Variants in CDK13 observed in about 807,000 individuals in gnomAD.
CDK13 encodes cyclin-dependent kinase 13.
CDK13 carries 40 observed loss-of-function variants against 137.6 expected under a neutral mutation model. That is an observed-to-expected ratio of 0.29 (90% CI 0.23 to 0.38). The LOEUF is 0.38. CDK13 is among the 10% of genes least tolerant of loss of function. CDK13 has a pLI of 1.00. For missense variants in CDK13, 1,704 were observed against 1,951.8 expected, an observed-to-expected ratio of 0.87 and a Z score of 2.39; for synonymous variants, 869 against 760.1, an observed-to-expected ratio of 1.14 and a Z score of -2.36.
intron 1 of CDK13, among the ~76,000 whole-genome samples, chr7:39,972,340 A>G (rs1279763355): frequency 1.3e-5 from 2 of 152,224 alleles, no homozygotes; most frequent in African/African-American, 4.8e-5. Context: ...TGTATTTCAC[A>G]TACTGTACAG....
intron 10 of CDK13, 180 bp from the exon 11 acceptor site, chr7:40,078,540 A>C: frequency 3.3e-6 from 1 of 306,820 alleles, no homozygotes; most frequent in Non-Finnish European, 5.8e-6. Flanking sequence ...TATTTATTCA[A>C]AGGAAAATTC....
rs1351616152 is a variant in CDK13, at chr7:39,997,545, A to T, written c.1923A>T (p.Lys641Asn). ...VKAVKKEVEKKLRCLLADLPL... is the reference protein window; with the variant it reads ...VKAVKKEVEKNLRCLLADLPL... The stretch of plus-strand genomic sequence containing the variant: ...CAGTTAAAAAAGAAGTAGAAAAGAA[A>T]CTCCGATGTCTTCTTGCTGATTTAC... Residue 641 changes from lysine to asparagine, a missense_variant, in exon 3 of 14, where the codon AAA becomes AAT. Physicochemically the swap from Lys to Asn is moderately conservative, Grantham distance 94. Coordinates refer to ENST00000181839, the MANE Select transcript of CDK13 (RefSeq NM_003718.5). 1 of 1,602,360 alleles carries T rather than the reference A, an allele frequency of 6.2e-7. No homozygotes were observed. Among genetic ancestry groups the T allele is most frequent in the Admixed American group, 1.8e-5 (1 of 56,256 alleles).
At chr7:39,999,871 TTCA>T (rs1232126639) in intron 4 of CDK13, among the ~76,000 whole-genome samples, 1 of 124,468 alleles carries the variant, frequency 8.0e-6, no homozygotes, top group Non-Finnish European at 1.7e-5. Flanking sequence ...ACACAACACT[TTCA>T]TTTAGCCTTC....
chr7:40,064,728 AAAG>A (rs1451863034), intron 9 of CDK13, among the ~76,000 whole-genome samples: 5 of 152,188 alleles, frequency 3.3e-5, no homozygotes, highest in African/African-American at 1.2e-4. Context: ...ACATTATGAA[AAAG>A]AAGAAGGGAA....
chr7:39,993,100 G>A (rs1218452157), intron 2 of CDK13, among the ~76,000 whole-genome samples: 3 of 152,112 alleles, frequency 2.0e-5, no homozygotes, highest in Non-Finnish European at 4.4e-5. Context: ...ATCACCTAAT[G>A]GTTTAGCAAC....
intron 5 of CDK13, among the ~76,000 whole-genome samples, chr7:40,037,236 G>A (rs1326095489): frequency 1.3e-5 from 2 of 152,168 alleles, no homozygotes; most frequent in South Asian, 2.1e-4. Flanking sequence ...GTTTCTGTGG[G>A]CAGGAATTTG....
intron 5 of CDK13, among the ~76,000 whole-genome samples, chr7:40,022,222 C>T (rs1054729974): frequency 2.0e-5 from 3 of 152,180 alleles, no homozygotes; most frequent in African/African-American, 4.8e-5. Context: ...CATGTCAGCA[C>T]AGTGACCAGA....
In CDK13 at chr7:40,045,870, T is replaced by C. The variant is rs1377656797; in HGVS notation, c.2388T>C (p.His796=). The C allele has an allele frequency of 6.2e-7, 1 of 1,612,248 alleles. No individual in the cohort carries two copies. The highest frequency in any genetic ancestry group is 1.7e-5 in the Admixed American group (1 of 59,776). ...ATCTGGTGTTTGAATATATGGACCA[T>C]GATCTGATGGGACTACTGGAATCAG... The part of the protein sequence containing the change: ...AFYLVFEYMD[H]DLMGLLESGL... The change falls in exon 6 of 14, where the codon CAT becomes CAC. Residue 796 remains histidine (H), a synonymous_variant. Coordinates refer to ENST00000181839, the MANE Select transcript of CDK13 (RefSeq NM_003718.5).
chr7:40,004,729 G>A (rs1784761662), intron 5 of CDK13, among the ~76,000 whole-genome samples: 1 of 152,090 alleles, frequency 6.6e-6, no homozygotes, highest in Non-Finnish European at 1.5e-5. Context: ...GAGTGTATTA[G>A]AACATATAAA....
At chr7:39,978,078 G>C (rs1468652813) in intron 1 of CDK13, among the ~76,000 whole-genome samples, 1 of 152,144 alleles carries the variant, frequency 6.6e-6, no homozygotes, top group East Asian at 1.9e-4. Flanking sequence ...ACATGTCAGA[G>C]TTGGAAGTAG....
In CDK13 at chr7:40,095,135, CAAAA is replaced by C. The variant is rs369277589; in HGVS notation, c.*160_*163del. 7 of 557,882 alleles carry C rather than the reference CAAAA, an allele frequency of 1.3e-5. No homozygotes were observed. Among genetic ancestry groups the C allele is most frequent in the Admixed American group, 8.5e-5 (2 of 23,504 alleles). 34.6% of individuals were successfully genotyped at this position (557,882 alleles called of 1,614,324 possible). A position where few individuals can be genotyped will look rare whatever the true frequency, so the allele number is the denominator to read the frequency against. On this transcript the variant is annotated 3_prime_UTR_variant, in exon 14 of 14. Coordinates refer to ENST00000181839, the MANE Select transcript of CDK13 (RefSeq NM_003718.5). ...CTTGCATACAATAGTTTAAAAAAGA[CAAAA>C]AAAACCTTTGCTTAAATTCATGCTG...
Position 40,094,594 on chromosome 7 carries a change from T to C in CDK13, c.4153T>C (p.Ser1385Pro). The C allele has an allele frequency of 6.2e-7, 1 of 1,613,758 alleles. No homozygotes were observed. Among genetic ancestry groups the C allele is most frequent in the Non-Finnish European group, 8.5e-7 (1 of 1,179,828 alleles). Residue 1385 changes from serine to proline, a missense_variant, in exon 14 of 14, where the codon TCT becomes CCT. By Grantham distance (74) the Ser-to-Pro change is moderately conservative. Coordinates refer to ENST00000181839, the MANE Select transcript of CDK13 (RefSeq NM_003718.5). ...TTTGGATAACTACAGTACTGCTTCA[T>C]CTCATTCTGGTGGTCCACCTCAGCC... The part of the protein sequence containing the change: ...QSLDNYSTAS[S>P]HSGGPPQPSA...
chr7:39,952,063 C>G (rs1205510942), intron 1 of CDK13: 2 of 411,310 alleles, frequency 4.9e-6, no homozygotes, highest in Non-Finnish European at 8.4e-6. Context: ...GCGAAGGGAA[C>G]TTTTCTCCTA....
At chr7:40,012,250 C>T (rs1784911270) in intron 5 of CDK13, among the ~76,000 whole-genome samples, 1 of 152,132 alleles carries the variant, frequency 6.6e-6, no homozygotes, top group South Asian at 2.1e-4. Flanking sequence ...ACAGTATGGC[C>T]TTTCCCCCAA....
chr7:40,045,208 C>T (rs575982496), intron 5 of CDK13, among the ~76,000 whole-genome samples: 1 of 152,242 alleles, frequency 6.6e-6, no homozygotes, highest in African/African-American at 2.4e-5. Flanking sequence ...ATTTCTAAAT[C>T]TCTCGTAAGT....
intron 7 of CDK13, chr7:40,062,607 C>T (rs1159110878): frequency 4.1e-6 from 2 of 485,988 alleles, no homozygotes; most frequent in Non-Finnish European, 7.3e-6. Flanking sequence ...TTGTTTTTAT[C>T]TTCATATATT....
rs1464291247 is a variant in CDK13, at chr7:39,951,338, A to C, written c.697A>C (p.Ser233Arg). ...TGGCAGCGAGGCCTCCAAGTCCCGC[A>C]GCCGCCACAGCCACAGCGGCGAGGA... ...RGGSEASKSR[S>R]RHSHSGEERA... The change falls in exon 1 of 14, where the codon AGC (serine) becomes CGC (arginine). Residue 233 changes from serine to arginine, a missense_variant. Ser to Arg is a moderately radical substitution (Grantham distance 110). Around this residue, in one of 5 missense-constraint regions of CDK13, gnomAD observed 1,051 missense variants for 931.0 expected, o/e 1.13. Coordinates refer to ENST00000181839, the MANE Select transcript of CDK13 (RefSeq NM_003718.5). 1 of 1,450,672 alleles carries C rather than the reference A, an allele frequency of 6.9e-7. No individual in the cohort carries two copies. The highest frequency in any genetic ancestry group is 1.5e-5 in the African/African-American group (1 of 67,072). The allele number at this position is 1,450,672 out of a possible 1,614,324, so 89.9% of individuals were successfully genotyped here.
chr7:40,016,782 G>T (rs551309707), intron 5 of CDK13, among the ~76,000 whole-genome samples: 1 of 152,152 alleles, frequency 6.6e-6, no homozygotes, highest in East Asian at 1.9e-4. Flanking sequence ...TATAATAAAA[G>T]AAATGTAATT....
At chr7:40,026,505 C>T (rs1415461198) in intron 5 of CDK13, among the ~76,000 whole-genome samples, 1 of 152,122 alleles carries the variant, frequency 6.6e-6, no homozygotes, top group Non-Finnish European at 1.5e-5. Flanking sequence ...AGAATGAGAC[C>T]CTGCCTCAGA....
Sources: gnomAD v4.1 joint callset for allele counts (sites outside exome capture counted in the v4.1 genomes callset) on GRCh38, gnomAD v4.1.1 for gene constraint, gnomAD v4.1.1 regional missense constraint, MANE v1.5 for transcripts, NCBI Gene and HGNC (gene_info 2026-07-23, HGNC 2026-07-21) for gene names.